LTBP1: variants seen among roughly 807,000 people sequenced by gnomAD.
The protein encoded by LTBP1 is latent transforming growth factor beta binding protein 1, also known as latent-transforming growth factor beta-binding protein 1.
LTBP1 carries 129 observed loss-of-function variants against 207.6 expected under a neutral mutation model. That is an observed-to-expected ratio of 0.62 (90% CI 0.54 to 0.72). LTBP1 has a LOEUF of 0.72. LTBP1 is among the 30% of genes least tolerant of loss of function. The pLI, the probability that LTBP1 is intolerant of heterozygous loss-of-function variation, is 0.00. For missense variants in LTBP1, 2,281 were observed against 2,217.2 expected (o/e 1.03, Z -0.58); for synonymous variants, 963 against 833.7 (o/e 1.16, Z -2.67).
chr2:33,391,007 T>C (rs80073445), intron 32 of LTBP1, among the ~76,000 whole-genome samples: 10,042 of 151,480 alleles, frequency 0.066, 441 homozygotes, highest in African/African-American at 0.12. Flanking sequence ...TTTTTCCTTC[T>C]CTTCTCTTTC....
At chr2:33,194,154 T>A (rs895187294) in intron 7 of LTBP1, among the ~76,000 whole-genome samples, 3 of 151,874 alleles carry the variant, frequency 2.0e-5, no homozygotes, top group African/African-American at 7.3e-5. Context: ...GCCCGGGTAA[T>A]TTTTGTATTT....
intron 30 of LTBP1, among the ~76,000 whole-genome samples, chr2:33,364,570 A>G (rs2094961950): frequency 1.3e-5 from 2 of 152,212 alleles, no homozygotes; most frequent in African/African-American, 4.8e-5. Context: ...CTCATTAAGT[A>G]TGGACTATGG....
intron 4 of LTBP1, among the ~76,000 whole-genome samples, chr2:33,133,540 T>G (rs2081947763): frequency 6.6e-6 from 1 of 152,146 alleles, no homozygotes; most frequent in South Asian, 2.1e-4. Flanking sequence ...CAAAACAGTG[T>G]GTGTCTTGCA....
At chr2:33,295,728 A>G (rs935710644) in intron 20 of LTBP1, among the ~76,000 whole-genome samples, 9 of 152,108 alleles carry the variant, frequency 5.9e-5, no homozygotes, top group African/African-American at 2.2e-4. Flanking sequence ...GTTCTAGCAA[A>G]GGGTAAAAGA....
chr2:33,108,049 G>T (rs900122930), intron 3 of LTBP1, among the ~76,000 whole-genome samples: 4 of 152,352 alleles, frequency 2.6e-5, no homozygotes, highest in Non-Finnish European at 5.9e-5. Context: ...GTCTGAAGTG[G>T]AAATAACTGT....
At chr2:33,315,362 A>T in intron 24 of LTBP1, 93 bp downstream of exon 24, 2 of 1,472,770 alleles carry the variant, frequency 1.4e-6, no homozygotes, top group Non-Finnish European at 1.9e-6. Flanking sequence ...ACTAAGAGGT[A>T]CTGCATAATT....
intron 31 of LTBP1, among the ~76,000 whole-genome samples, chr2:33,371,809 A>C: frequency 6.6e-6 from 1 of 152,218 alleles, no homozygotes; most frequent in Admixed American, 6.5e-5. Context: ...ACCCACAGTC[A>C]ACCACGGTCC....
At chr2:33,278,958 T>C (rs1241976054) in intron 18 of LTBP1, among the ~76,000 whole-genome samples, 1 of 152,242 alleles carries the variant, frequency 6.6e-6, no homozygotes, top group Admixed American at 6.5e-5. Flanking sequence ...ACATGTCTAA[T>C]GGTATGCAGT....
chr2:33,364,016 G>A (rs760291360), intron 29 of LTBP1, among the ~76,000 whole-genome samples, 200 bp from the exon 30 acceptor site: 2 of 152,184 alleles, frequency 1.3e-5, no homozygotes, highest in African/African-American at 4.8e-5. Flanking sequence ...AGCAGCAGCA[G>A]CAGCAATGTT....
chr2:33,052,850 C>G (rs907170865), intron 3 of LTBP1, among the ~76,000 whole-genome samples: 3 of 150,090 alleles, frequency 2.0e-5, no homozygotes, highest in Non-Finnish European at 4.4e-5. Flanking sequence ...AGGTTGACTC[C>G]CGGATCAAAA....
At chr2:33,287,251 A>G (rs2093684585) in intron 19 of LTBP1, among the ~76,000 whole-genome samples, 2 of 152,340 alleles carry the variant, frequency 1.3e-5, no homozygotes. Flanking sequence ...TCTCTGTAGT[A>G]CAAGTGTGGA....
At position 33,152,244 on chromosome 2, in the gene LTBP1, A is replaced by G. The variant is rs773086926; in HGVS notation, c.1201+17284A>G. Among the ~76,000 whole-genome samples the G allele has an allele frequency of 1.2e-4, 18 of 152,308 alleles. No homozygotes were observed. In the East Asian group the frequency reaches 3.5e-3, roughly 29 times the overall value. ...AAGAAAAAAACAAACAATCCCATCA[A>G]AAAGTTGGCTAAGGACGTGAATGGA... is the stretch of plus-strand genomic sequence containing the variant. On this transcript the variant is annotated intron_variant, in intron 5 of 33. Coordinates refer to ENST00000404816, the MANE Select transcript of LTBP1 (RefSeq NM_206943.4).
chr2:33,004,809 A>G (rs940335059), intron 2 of LTBP1, among the ~76,000 whole-genome samples: 2 of 145,494 alleles, frequency 1.4e-5, no homozygotes, highest in African/African-American at 5.0e-5. Flanking sequence ...ATATATATAT[A>G]TATATAAACA....
rs779953397 is a variant in LTBP1 at position 33,364,323 on chromosome 2, G to C, written c.4507G>C (p.Glu1503Gln). Reference protein sequence around the residue: ...CTHPMVLDASEKRCIRPAESN... With the variant: ...CTHPMVLDASQKRCIRPAESN... ...TCACCCCATGGTCCTGGATGCGTCAGAAAAAAGATGTATACGACCGGCTGA... is the reference window on the plus strand; with the variant it reads ...TCACCCCATGGTCCTGGATGCGTCACAAAAAAGATGTATACGACCGGCTGA... The change falls in exon 30 of 34, where the codon GAA (glutamate) becomes CAA (glutamine). Residue 1503 changes from glutamate (E) to glutamine (Q), a missense_variant. Glu to Gln is a conservative substitution (Grantham distance 29). Coordinates refer to ENST00000404816, the MANE Select transcript of LTBP1 (RefSeq NM_206943.4). The C allele has an allele frequency of 1.9e-6, 3 of 1,613,796 alleles. No individual in the cohort carries two copies. Among genetic ancestry groups the C allele is most frequent in the South Asian group, 2.2e-5 (2 of 90,994 alleles).
chr2:33,065,015 C>T (rs1025658198), intron 3 of LTBP1, among the ~76,000 whole-genome samples: 11 of 152,160 alleles, frequency 7.2e-5, no homozygotes, highest in African/African-American at 2.2e-4. Context: ...TTTTACCAAT[C>T]AGTATAATAC....
chr2:33,219,413 T>C (rs1223722312), intron 8 of LTBP1, among the ~76,000 whole-genome samples: 1 of 152,234 alleles, frequency 6.6e-6, no homozygotes, highest in Non-Finnish European at 1.5e-5. Flanking sequence ...TTTGGTTTGA[T>C]TTAAAAATTT....
chr2:33,317,544 GCAGGA>G, intron 24 of LTBP1, among the ~76,000 whole-genome samples: 1 of 152,198 alleles, frequency 6.6e-6, no homozygotes, highest in Non-Finnish European at 1.5e-5. Context: ...TGGCTGTGCT[GCAGGA>G]CAAAGCCAGC....
intron 15 of LTBP1, among the ~76,000 whole-genome samples, chr2:33,271,096 A>C (rs954964372): frequency 6.6e-6 from 1 of 152,222 alleles, no homozygotes; most frequent in African/African-American, 2.4e-5. Context: ...TAAGCATCAC[A>C]TATATTTGAA....
chr2:33,131,403 T>G (rs1432334884), intron 4 of LTBP1, among the ~76,000 whole-genome samples: 1 of 152,218 alleles, frequency 6.6e-6, no homozygotes, highest in Non-Finnish European at 1.5e-5. Context: ...TTGATGAACT[T>G]TAAAACTTAA....
Sources: gnomAD v4.1 joint callset for allele counts (sites outside exome capture counted in the v4.1 genomes callset) on GRCh38, gnomAD v4.1.1 for gene constraint, MANE v1.5 for transcripts, NCBI Gene and HGNC (gene_info 2026-07-23, HGNC 2026-07-21) for gene names.